The following PCCA variants were observed in gnomAD, a reference collection of about 807,000 sequenced individuals.
The protein encoded by PCCA is propionyl-CoA carboxylase alpha chain, mitochondrial.
A neutral mutation model predicts 101.3 loss-of-function variants in PCCA; 74 were observed. The observed-to-expected ratio is 0.73, with a 90% confidence interval of 0.61 to 0.89. The LOEUF is 0.89. Among genes scored for constraint, PCCA ranks in the 40% least tolerant of loss-of-function variants. PCCA has a pLI of 0.00. For synonymous variants in PCCA, 294 were observed against 313.6 expected, an observed-to-expected ratio of 0.94 and a Z score of 0.66; for missense variants, 891 against 907.0, an observed-to-expected ratio of 0.98 and a Z score of 0.23.
Position 100,516,165 on chromosome 13 carries a change from C to G in PCCA, c.2040+598C>G, listed in dbSNP as rs566457083. On this transcript the variant is annotated intron_variant, in intron 22 of 23. Coordinates refer to ENST00000376285, the MANE Select transcript of PCCA (RefSeq NM_000282.4). ...TGAATTGATAGGATGCACACATTTT[C>G]TTAGAACATGGATAGAAATCTCTAC... Among the ~76,000 whole-genome samples, 4 of 152,330 alleles carry G rather than the reference C, an allele frequency of 2.6e-5. No individual in the cohort carries two copies. The East Asian group carries it at 7.7e-4, about 29-fold the overall frequency.
At chr13:100,406,366 T>G (rs2077679808) in intron 19 of PCCA, among the ~76,000 whole-genome samples, 2 of 152,184 alleles carry the variant, frequency 1.3e-5, no homozygotes, top group Non-Finnish European at 2.9e-5. Context: ...CTCCAAACCT[T>G]CATCACAGTA....
At chr13:100,444,238 G>A (rs1379707082) in intron 20 of PCCA, among the ~76,000 whole-genome samples, 1 of 140,868 alleles carries the variant, frequency 7.1e-6, no homozygotes, top group Admixed American at 7.3e-5. Flanking sequence ...GTCTCGCTCT[G>A]TCTCCCAGGC....
At chr13:100,407,429 C>T (rs1031465841) in intron 19 of PCCA, among the ~76,000 whole-genome samples, 2 of 152,116 alleles carry the variant, frequency 1.3e-5, no homozygotes, top group Non-Finnish European at 2.9e-5. Context: ...TCCAGATTAC[C>T]ATAAATTATT....
At chr13:100,488,253 A>G (rs1445395521) in intron 21 of PCCA, among the ~76,000 whole-genome samples, 1 of 152,032 alleles carries the variant, frequency 6.6e-6, no homozygotes, top group Non-Finnish European at 1.5e-5. Context: ...GCCACCATGC[A>G]CGGCTAATTT....
chr13:100,356,158 A>G (rs181565024), intron 18 of PCCA, among the ~76,000 whole-genome samples: 1 of 152,298 alleles, frequency 6.6e-6, no homozygotes, highest in Non-Finnish European at 1.5e-5. Flanking sequence ...ATACAACAAA[A>G]TTCTTAGAGA....
chr13:100,196,315 T>C (rs2058096651), intron 6 of PCCA, among the ~76,000 whole-genome samples: 1 of 152,228 alleles, frequency 6.6e-6, no homozygotes, highest in Non-Finnish European at 1.5e-5. Flanking sequence ...GGAAATCATT[T>C]AATTGCCAGA....
intron 4 of PCCA, among the ~76,000 whole-genome samples, chr13:100,143,346 C>T (rs1487967165): frequency 6.6e-6 from 1 of 151,720 alleles, no homozygotes; most frequent in Admixed American, 6.6e-5. Flanking sequence ...GCCTGACCAA[C>T]ATGGTGAAAC....
At chr13:100,146,924 A>G (rs550213337) in intron 4 of PCCA, among the ~76,000 whole-genome samples, 22 of 151,812 alleles carry the variant, frequency 1.4e-4, no homozygotes, top group African/African-American at 4.6e-4. Context: ...ACCATGTCCA[A>G]TACTAGGAGA....
chr13:100,403,637 A>G (rs1228240938), intron 19 of PCCA, among the ~76,000 whole-genome samples: 1 of 152,068 alleles, frequency 6.6e-6, no homozygotes, highest in Non-Finnish European at 1.5e-5. Flanking sequence ...TTAGCTAAGG[A>G]TGGGGTTCTT....
intron 7 of PCCA, among the ~76,000 whole-genome samples, chr13:100,226,422 G>T (rs887748527): frequency 1.3e-5 from 2 of 152,142 alleles, no homozygotes; most frequent in Admixed American, 6.5e-5. Flanking sequence ...TGGTAAGTAG[G>T]CAGTAGCAAG....
At chr13:100,475,300 C>G (rs1209332794) in intron 21 of PCCA, among the ~76,000 whole-genome samples, 6 of 152,166 alleles carry the variant, frequency 3.9e-5, no homozygotes. Context: ...AAGAAGCCCC[C>G]TACCCATTAG....
At chr13:100,328,576 TTAAGG>T (rs1341465109) in intron 16 of PCCA, among the ~76,000 whole-genome samples, 2 of 151,654 alleles carry the variant, frequency 1.3e-5, no homozygotes, top group East Asian at 3.9e-4. Flanking sequence ...GTTGCCTACC[TTAAGG>T]TAACAGATTT....
intron 19 of PCCA, among the ~76,000 whole-genome samples, chr13:100,406,711 C>T (rs1595778969): frequency 1.3e-5 from 2 of 152,038 alleles, no homozygotes; most frequent in Middle Eastern, 6.8e-3. Context: ...TGTCTCCCCA[C>T]CCAAAAAAAG....
intron 20 of PCCA, among the ~76,000 whole-genome samples, chr13:100,428,831 A>AG (rs1288335398): frequency 1.3e-5 from 2 of 152,152 alleles, no homozygotes; most frequent in Non-Finnish European, 2.9e-5. Context: ...GGTGTGCCCC[A>AG]GCAAGGTGGG....
At chr13:100,203,035 G>A (rs1461610717) in intron 6 of PCCA, among the ~76,000 whole-genome samples, 1 of 152,082 alleles carries the variant, frequency 6.6e-6, no homozygotes, top group East Asian at 1.9e-4. Context: ...CACTTTGGGA[G>A]GCCAAGGTAG....
chr13:100,108,398 C>G (rs542083649), intron 2 of PCCA, among the ~76,000 whole-genome samples: 4 of 152,264 alleles, frequency 2.6e-5, no homozygotes, highest in African/African-American at 9.6e-5. Context: ...ATGAGTGACT[C>G]TCCACATATA....
chr13:100,271,823 A>C lies in PCCA; in HGVS notation c.915-1373A>C, dbSNP rs367647288. ...TGAAATGATACCTAATTTGGGATTTACTTTAAAAACAATAAAGGGTGGGCC... is the reference window on the plus strand; with the variant it reads ...TGAAATGATACCTAATTTGGGATTTCCTTTAAAAACAATAAAGGGTGGGCC... On this transcript the variant is annotated intron_variant, in intron 11 of 23. Coordinates refer to ENST00000376285, the MANE Select transcript of PCCA (RefSeq NM_000282.4). Among the ~76,000 whole-genome samples the C allele has an allele frequency of 9.8e-4, 150 of 152,360 alleles. 4 individuals are homozygous for C. In the South Asian group the frequency reaches 0.028, roughly 29 times the overall value.
At chr13:100,311,471 A>G (rs1040293047) in intron 16 of PCCA, among the ~76,000 whole-genome samples, 2 of 151,820 alleles carry the variant, frequency 1.3e-5, no homozygotes, top group East Asian at 3.9e-4. Flanking sequence ...TAATAAAACC[A>G]TATATTTAAG....
intron 20 of PCCA, among the ~76,000 whole-genome samples, chr13:100,426,966 A>G (rs2079188924): frequency 6.6e-6 from 1 of 152,242 alleles, no homozygotes; most frequent in South Asian, 2.1e-4. Flanking sequence ...CTGTAATCCC[A>G]GCACTTTGGG....
Sources: gnomAD v4.1 joint callset for allele counts (sites outside exome capture counted in the v4.1 genomes callset) on GRCh38, gnomAD v4.1.1 for gene constraint, MANE v1.5 for transcripts, NCBI Gene and HGNC (gene_info 2026-07-23, HGNC 2026-07-21) for gene names.